L3MBTL4: variants seen among roughly 807,000 people sequenced by gnomAD.
The protein encoded by L3MBTL4 is lethal(3)malignant brain tumor-like protein 4.
A neutral mutation model predicts 84.5 loss-of-function variants in L3MBTL4; 70 were observed. The ratio of observed to expected loss-of-function variants is 0.83; its 90% CI spans 0.68 to 1.01. L3MBTL4 has a LOEUF of 1.01. Among genes scored for constraint, L3MBTL4 ranks in the 50% least tolerant of loss-of-function variants. The pLI is 0.00. For missense variants in L3MBTL4, 715 were observed against 754.8 expected, an observed-to-expected ratio of 0.95 and a Z score of 0.62; for synonymous variants, 274 against 259.8, an observed-to-expected ratio of 1.05 and a Z score of -0.52.
intron 1 of L3MBTL4, among the ~76,000 whole-genome samples, chr18:6,323,048 C>T (rs2051510075): frequency 6.6e-6 from 1 of 152,146 alleles, no homozygotes; most frequent in African/African-American, 2.4e-5. Context: ...CTATCTTCCT[C>T]CTGCTCCAGC....
At position 6,263,988 on chromosome 18, in the gene L3MBTL4, C is replaced by T. The variant is rs763120746; in HGVS notation, c.178G>A (p.Glu60Lys). 7 of 1,613,992 alleles carry T rather than the reference C, an allele frequency of 4.3e-6. No individual in the cohort carries two copies. The South Asian group carries it at 6.6e-5, about 15-fold the overall frequency. Residue 60 changes from glutamate to lysine, a missense_variant, in exon 5 of 19, where the codon GAA becomes AAA. Transcript: ENST00000317931. ...ACAGGTGCTGCGACAGCCTTCTGTT[C>T]TTTCAAGTACCACTCCCAAGACCAT... ...GAWSWEWYLK[E>K]QKAVAAPVEL...
chr18:6,316,279 C>G (rs1173081960), intron 1 of L3MBTL4, among the ~76,000 whole-genome samples: 1 of 152,118 alleles, frequency 6.6e-6, no homozygotes, highest in Non-Finnish European at 1.5e-5. Flanking sequence ...GTGGCTACAC[C>G]CAGAGGAATA....
chr18:6,051,705 C>A (rs1340442838), intron 16 of L3MBTL4, among the ~76,000 whole-genome samples: 1 of 152,204 alleles, frequency 6.6e-6, no homozygotes, highest in East Asian at 1.9e-4. Flanking sequence ...GGTGGAGCCA[C>A]CACCTTCCTG....
chr18:6,007,499 A>G (rs2054543682), intron 16 of L3MBTL4, among the ~76,000 whole-genome samples: 2 of 152,214 alleles, frequency 1.3e-5, no homozygotes, highest in Admixed American at 1.3e-4. Flanking sequence ...ATTCTCAATA[A>G]TTACAGGAAA....
Position 5,960,158 on chromosome 18 carries a change from T to A in L3MBTL4, c.1615-2A>T, listed in dbSNP as rs2095256629. 2 of 1,588,700 alleles carry A rather than the reference T, an allele frequency of 1.3e-6. No homozygotes were observed. The highest frequency in any genetic ancestry group is 1.3e-5 in the African/African-American group (1 of 74,214). On this transcript the variant is annotated splice_acceptor_variant, in intron 17 of 18. Transcript: ENST00000317931. LOFTEE classifies it high-confidence loss of function. ...AAGAGACTGTACAAACTCAGCCACC[T>A]ACAGTGCGAGATGAAAAGCCTAATT...
chr18:6,004,906 C>T (rs2054392064), intron 16 of L3MBTL4, among the ~76,000 whole-genome samples: 1 of 147,238 alleles, frequency 6.8e-6, no homozygotes, highest in South Asian at 2.2e-4. Flanking sequence ...TGATGACTAA[C>T]TTCTGGAGAT....
intron 4 of L3MBTL4, among the ~76,000 whole-genome samples, chr18:6,297,412 T>C (rs187419690): frequency 3.4e-4 from 52 of 152,338 alleles, no homozygotes; most frequent in Non-Finnish European, 2.9e-5. Flanking sequence ...GTGATGTCAA[T>C]GTTACTTAGT....
At chr18:5,975,744 C>G (rs767314150) in intron 16 of L3MBTL4, among the ~76,000 whole-genome samples, 1 of 152,188 alleles carries the variant, frequency 6.6e-6, no homozygotes, top group Non-Finnish European at 1.5e-5. Flanking sequence ...TGCAGGACAA[C>G]TGTCTATTTC....
intron 4 of L3MBTL4, among the ~76,000 whole-genome samples, chr18:6,290,886 T>C (rs66999496): frequency 0.19 from 28,736 of 152,074 alleles, 2,854 homozygotes; most frequent in African/African-American, 0.24. Context: ...TCTAGGTTCA[T>C]CCCATCCAAC....
At chr18:6,264,863 G>T (rs986497424) in intron 4 of L3MBTL4, among the ~76,000 whole-genome samples, 1 of 152,190 alleles carries the variant, frequency 6.6e-6, no homozygotes, top group African/African-American at 2.4e-5. Flanking sequence ...CAGTAGACAC[G>T]CCCAAGGGGC....
intron 15 of L3MBTL4, among the ~76,000 whole-genome samples, chr18:6,084,331 G>T (rs1317517924): frequency 6.6e-6 from 1 of 152,092 alleles, no homozygotes; most frequent in East Asian, 1.9e-4. Flanking sequence ...AGTAGTTGTA[G>T]CAGAGACCTT....
chr18:6,078,952 C>T (rs914772735), intron 16 of L3MBTL4, among the ~76,000 whole-genome samples: 1 of 152,186 alleles, frequency 6.6e-6, no homozygotes, highest in African/African-American at 2.4e-5. Flanking sequence ...AGATCCCTCA[C>T]ATGTGCAGGT....
chr18:6,005,860 G>A (rs1220350383), intron 16 of L3MBTL4, among the ~76,000 whole-genome samples: 1 of 152,148 alleles, frequency 6.6e-6, no homozygotes, highest in Non-Finnish European at 1.5e-5. Context: ...ACCTGAAAAT[G>A]GGATTGCTGG....
At chr18:6,226,126 C>T (rs752219114) in intron 10 of L3MBTL4, among the ~76,000 whole-genome samples, 9 of 149,030 alleles carry the variant, frequency 6.0e-5, no homozygotes, top group Admixed American at 3.3e-4. Context: ...AGATAATGTC[C>T]GCCAGATGTG....
intron 4 of L3MBTL4, among the ~76,000 whole-genome samples, chr18:6,277,398 G>A (rs1435557461): frequency 6.6e-6 from 1 of 152,160 alleles, no homozygotes. Flanking sequence ...AAAAATCTAT[G>A]CTGTGTCCTC....
rs16949220 is a variant in L3MBTL4, at chr18:6,008,325, A to G, written c.1445-38763T>C. Among the ~76,000 whole-genome samples, 356 of 152,336 alleles carry G rather than the reference A, an allele frequency of 2.3e-3. 2 individuals are homozygous for G. The highest frequency in any genetic ancestry group is 8.2e-3 in the African/African-American group (340 of 41,582). ...TTTTGCTGTTCTAGAGGCACGTGAC[A>G]GCTCAAGGAAGGTCGATCTGTATCT... On this transcript the variant is annotated intron_variant, in intron 16 of 18. Transcript: ENST00000317931.
chr18:6,318,494 T>TAAAAAAAAA (rs71370550), intron 1 of L3MBTL4, among the ~76,000 whole-genome samples: 752 of 14,306 alleles, frequency 0.053, 19 homozygotes, highest in Non-Finnish European at 0.061. Context: ...ACAACAATAG[T>TAAAAAAAAA]AAAAAAAAAA....
intron 13 of L3MBTL4, among the ~76,000 whole-genome samples, chr18:6,156,000 T>C (rs976857914): frequency 1.3e-5 from 2 of 152,132 alleles, no homozygotes; most frequent in Non-Finnish European, 1.5e-5. Context: ...AAATGAAAGA[T>C]TTTCCAAGAT....
intron 1 of L3MBTL4, among the ~76,000 whole-genome samples, chr18:6,401,657 G>A (rs948827020): frequency 1.2e-4 from 19 of 152,202 alleles, no homozygotes; most frequent in Admixed American, 1.2e-3. Flanking sequence ...GGATAATAAG[G>A]CACTCACTTT....
Sources: allele counts gnomAD v4.1 joint callset (sites outside exome capture counted in the v4.1 genomes callset), GRCh38; gene constraint gnomAD v4.1.1; transcripts MANE v1.5; gene names NCBI Gene and HGNC (gene_info 2026-07-23, HGNC 2026-07-21).